Variants in PIAS2 observed in about 807,000 individuals in gnomAD.
The protein encoded by PIAS2 is E3 SUMO-protein ligase PIAS2.
A neutral mutation model predicts 69.7 loss-of-function variants in PIAS2; 19 were observed. The ratio of observed to expected loss-of-function variants is 0.27; its 90% CI spans 0.19 to 0.40. The LOEUF (loss-of-function observed/expected upper bound fraction) is 0.40, where lower values mean the gene tolerates loss of function less well. Among genes scored for constraint, PIAS2 ranks in the 10% least tolerant of loss-of-function variants. The pLI is 1.00. For synonymous variants in PIAS2, 261 were observed against 263.2 expected (o/e 0.99, Z 0.08); for missense variants, 624 against 757.0 (o/e 0.82, Z 2.06).
chr18:46,822,452 C>T (rs951299056), intron 11 of PIAS2, among the ~76,000 whole-genome samples: 7 of 152,054 alleles, frequency 4.6e-5, no homozygotes, highest in African/African-American at 1.7e-4. Flanking sequence ...AGTTATCTTC[C>T]AAAAATCAAC....
Position 46,806,218 on chromosome 18 carries a change from T to C in PIAS2, c.*6215A>G, listed in dbSNP as rs1187977768. On this transcript the variant is annotated 3_prime_UTR_variant, in exon 14 of 14. Coordinates refer to ENST00000585916, the MANE Select transcript of PIAS2 (RefSeq NM_004671.5). ...GTCTAGGTCAGACTCCCAAGTCCAC[T>C]ACTCATTCACTGTGACCTTGGGAAA... 6.6e-6 allele frequency: 1 copy of C among 152,164 alleles called. No individual in the cohort carries two copies. The highest frequency in any genetic ancestry group is 1.9e-4 in the East Asian group (1 of 5,188). The allele number at this position is 152,164 out of a possible 1,614,324, so 9.4% of individuals were successfully genotyped here. A position where few individuals can be genotyped will look rare whatever the true frequency, so the allele number is the denominator to read the frequency against.
chr18:46,869,781 T>G (rs1323304058), intron 2 of PIAS2, among the ~76,000 whole-genome samples: 1 of 152,146 alleles, frequency 6.6e-6, no homozygotes, highest in Non-Finnish European at 1.5e-5. Context: ...GGCCAAAGTT[T>G]CAGTCAAATG....
chr18:46,844,851 CA>C lies in PIAS2; in HGVS notation c.862-13del, dbSNP rs748846475. On this transcript the variant is annotated splice_polypyrimidine_tract_variant and intron_variant, in intron 6 of 13. Transcript: ENST00000585916. ...GACATAGAGTAATTCTACAAACAAA[CA>C]AAAAAAACCTGCATTAAAGATGAGA... 66 of 1,104,540 alleles carry C rather than the reference CA, an allele frequency of 6.0e-5. No individual in the cohort carries two copies. The highest frequency in any genetic ancestry group is 2.1e-4 in the South Asian group (12 of 58,082). The allele number at this position is 1,104,540 out of a possible 1,614,324, so 68.4% of individuals were successfully genotyped here.
chr18:46,879,657 C>T (rs1022101758), intron 2 of PIAS2, among the ~76,000 whole-genome samples: 2 of 152,142 alleles, frequency 1.3e-5, no homozygotes, highest in Non-Finnish European at 2.9e-5. Context: ...TGGAAGCAAT[C>T]CAAGTGTCCA....
intron 2 of PIAS2, among the ~76,000 whole-genome samples, chr18:46,883,982 A>G (rs2052717328): frequency 6.6e-6 from 1 of 152,206 alleles, no homozygotes; most frequent in East Asian, 1.9e-4. Context: ...TGAATGAAAG[A>G]GCAAGACCTT....
In PIAS2 at chr18:46,809,545, CG is replaced by C. The variant is rs1335223181; in HGVS notation, c.*2887del. 1.3e-5 allele frequency: 2 copies of C among 152,178 alleles called. No individual in the cohort carries two copies. Among genetic ancestry groups the C allele is most frequent in the African/African-American group, 4.8e-5 (2 of 41,396 alleles). 9.4% of individuals were successfully genotyped at this position (152,178 alleles called of 1,614,324 possible). Reference sequence around the variant, plus strand: ...CCAAGGCAGGCGGATCACCTGAGGTCGGGAGTTCGAGACCAGCCTGACCAAA... The same window carrying C: ...CCAAGGCAGGCGGATCACCTGAGGTCGGAGTTCGAGACCAGCCTGACCAAA... On this transcript the variant is annotated 3_prime_UTR_variant, in exon 14 of 14. Coordinates refer to ENST00000585916, the MANE Select transcript of PIAS2 (RefSeq NM_004671.5).
chr18:46,847,857 C>A (rs561208693), intron 5 of PIAS2, among the ~76,000 whole-genome samples: 1 of 152,310 alleles, frequency 6.6e-6, no homozygotes, highest in South Asian at 2.1e-4. Flanking sequence ...CGCAAGACTT[C>A]ACTCTGATTT....
intron 2 of PIAS2, among the ~76,000 whole-genome samples, chr18:46,883,349 C>T (rs2052606318): frequency 6.6e-6 from 1 of 152,080 alleles, no homozygotes; most frequent in African/African-American, 2.4e-5. Context: ...CCAGACATAT[C>T]AACATTTATG....
In PIAS2 at chr18:46,897,689, C is replaced by A. The variant is rs78686129; in HGVS notation, c.25-6635G>T. Among the ~76,000 whole-genome samples, 661 of 152,206 alleles carry A rather than the reference C, an allele frequency of 4.3e-3. 18 individuals are homozygous for A. In the East Asian group the frequency reaches 0.093, roughly 21 times the overall value. ...AAATTCTATTCATTCCTGATGAAATCTCTCAATAAACAAGAAAAGAAAGAA... is the reference window on the plus strand; with the variant it reads ...AAATTCTATTCATTCCTGATGAAATATCTCAATAAACAAGAAAAGAAAGAA... On this transcript the variant is annotated intron_variant, in intron 1 of 13. Coordinates refer to ENST00000585916, the MANE Select transcript of PIAS2 (RefSeq NM_004671.5).
chr18:46,891,245 G>A lies in PIAS2; in HGVS notation c.25-191C>T, dbSNP rs572352625. Reference sequence around the variant, plus strand: ...CCCGTAAAAATTACATTCAAGTTACGGTGTTAATTATATTTTGTTGTACAA... The same window carrying A: ...CCCGTAAAAATTACATTCAAGTTACAGTGTTAATTATATTTTGTTGTACAA... On this transcript the variant is annotated intron_variant, in intron 1 of 13. Coordinates refer to ENST00000585916, the MANE Select transcript of PIAS2 (RefSeq NM_004671.5). 17 of 683,530 alleles carry A rather than the reference G, an allele frequency of 2.5e-5. 1 individual carries two copies. Among genetic ancestry groups the A allele is most frequent in the African/African-American group, 1.6e-4 (9 of 56,528 alleles). The allele number at this position is 683,530 out of a possible 1,614,324, so 42.3% of individuals were successfully genotyped here.
At chr18:46,883,012 C>T (rs935414774) in intron 2 of PIAS2, among the ~76,000 whole-genome samples, 5 of 151,176 alleles carry the variant, frequency 3.3e-5, no homozygotes, top group African/African-American at 4.9e-5. Context: ...AAAAAAAAAT[C>T]GCTTGAACCC....
intron 12 of PIAS2, chr18:46,817,496 T>C: frequency 1.1e-6 from 1 of 945,226 alleles, no homozygotes; most frequent in Non-Finnish European, 1.3e-6. Flanking sequence ...TCAGATGTAC[T>C]GTAATTCTCT....
chr18:46,892,150 G>A (rs890890392), intron 1 of PIAS2, among the ~76,000 whole-genome samples: 3 of 152,136 alleles, frequency 2.0e-5, no homozygotes, highest in African/African-American at 7.2e-5. Flanking sequence ...CATCAGTATA[G>A]TGGAAATGTG....
intron 5 of PIAS2, chr18:46,853,170 A>G (rs757859411): frequency 6.6e-6 from 1 of 152,134 alleles, no homozygotes; most frequent in Non-Finnish European, 1.5e-5. Context: ...CCAGCTACTA[A>G]GGAGAGTGAG....
At chr18:46,858,681 G>C (rs768849646) in intron 3 of PIAS2, among the ~76,000 whole-genome samples, 34 of 152,188 alleles carry the variant, frequency 2.2e-4, no homozygotes, top group Non-Finnish European at 4.1e-4. Context: ...CTGGGTGACA[G>C]AGCAAGACCC....
upstream of PIAS2, among the ~76,000 whole-genome samples, chr18:46,919,614 A>T (rs1203008323): frequency 6.6e-6 from 1 of 152,178 alleles, no homozygotes; most frequent in Non-Finnish European, 1.5e-5. Flanking sequence ...GCACCATTGC[A>T]CTCCAGCCTG....
rs1323538125 is a variant in PIAS2, at chr18:46,804,183, T to A, written c.*8250A>T. ...ATCATGTTAGGCTCTGGGATGCAAG[T>A]GAAAAAAGTTATCACCTCTGCCCTC... On this transcript the variant is annotated 3_prime_UTR_variant, in exon 14 of 14. Coordinates refer to ENST00000585916, the MANE Select transcript of PIAS2 (RefSeq NM_004671.5). 1 of 151,518 alleles carries A rather than the reference T, an allele frequency of 6.6e-6. No individual in the cohort carries two copies. Among genetic ancestry groups the A allele is most frequent in the Non-Finnish European group, 1.5e-5 (1 of 68,036 alleles). 9.4% of individuals were successfully genotyped at this position (151,518 alleles called of 1,614,324 possible). A position where few individuals can be genotyped will look rare whatever the true frequency, so the allele number is the denominator to read the frequency against.
intron 2 of PIAS2, among the ~76,000 whole-genome samples, chr18:46,868,844 T>A (rs2049891058): frequency 6.6e-6 from 1 of 152,184 alleles, no homozygotes; most frequent in South Asian, 2.1e-4. Context: ...CATGAGGAGA[T>A]GCGTCCCCCT....
chr18:46,805,388 GA>G lies in PIAS2; in HGVS notation c.*7044del. 6.6e-6 allele frequency: 1 copy of G among 152,280 alleles called. No individual in the cohort carries two copies. Among genetic ancestry groups the G allele is most frequent in the Non-Finnish European group, 1.5e-5 (1 of 68,044 alleles). The allele number at this position is 152,280 out of a possible 1,614,324, so 9.4% of individuals were successfully genotyped here. A position where few individuals can be genotyped will look rare whatever the true frequency, so the allele number is the denominator to read the frequency against. On this transcript the variant is annotated 3_prime_UTR_variant, in exon 14 of 14. Transcript: ENST00000585916. ...TTCAAGATATTAATAATAATGACCA[GA>G]ATCAAGGAAGGCAAGGAACACTGTG...
Sources: allele counts gnomAD v4.1 joint callset (sites outside exome capture counted in the v4.1 genomes callset), GRCh38; gene constraint gnomAD v4.1.1; transcripts MANE v1.5; gene names NCBI Gene and HGNC (gene_info 2026-07-23, HGNC 2026-07-21).